LRRC8C: variants seen among roughly 807,000 people sequenced by gnomAD.
The protein encoded by LRRC8C is leucine rich repeat containing 8 VRAC subunit C.
A neutral mutation model predicts 55.3 loss-of-function variants in LRRC8C; 20 were observed. That is an observed-to-expected ratio of 0.36 (90% confidence interval 0.25 to 0.53). LRRC8C has a LOEUF of 0.53. Among genes scored for constraint, LRRC8C ranks in the 20% least tolerant of loss-of-function variants. The pLI, the probability that LRRC8C is intolerant of heterozygous loss-of-function variation, is 0.92. For missense variants in LRRC8C, 659 were observed against 951.4 expected (o/e 0.69, Z 4.04); for synonymous variants, 376 against 360.7 (o/e 1.04, Z -0.48).
chr1:89,654,754 C>T (rs1282179944), intron 1 of LRRC8C, among the ~76,000 whole-genome samples: 3 of 152,140 alleles, frequency 2.0e-5, no homozygotes, highest in Non-Finnish European at 4.4e-5. Context: ...TCTTTGTATG[C>T]ACCCTTTTAC....
chr1:89,633,069 T>C (rs1217132211), upstream of LRRC8C: 1 of 151,834 alleles, frequency 6.6e-6, no homozygotes, highest in Non-Finnish European at 1.5e-5. Flanking sequence ...TGGAGGCGGC[T>C]CCGTCCGCGG....
intron 1 of LRRC8C, among the ~76,000 whole-genome samples, chr1:89,635,022 C>T (rs1656238714): frequency 6.6e-6 from 1 of 152,076 alleles, no homozygotes; most frequent in African/African-American, 2.4e-5. Flanking sequence ...AAAATCAAGC[C>T]TTTATTAATA....
At chr1:89,662,674 T>C (rs1657151445) in intron 1 of LRRC8C, among the ~76,000 whole-genome samples, 1 of 152,156 alleles carries the variant, frequency 6.6e-6, no homozygotes, top group Non-Finnish European at 1.5e-5. Flanking sequence ...TTTTTTGATA[T>C]TCCTCTTAAA....
chr1:89,653,686 C>G (rs2101199885), intron 1 of LRRC8C, among the ~76,000 whole-genome samples: 1 of 152,256 alleles, frequency 6.6e-6, no homozygotes, highest in African/African-American at 2.4e-5. Context: ...ATTGAGCCTG[C>G]AGGTTTTGCT....
At chr1:89,627,479 A>G in the LRRC8C span, among the ~76,000 whole-genome samples, 7 of 152,162 alleles carry the variant, frequency 4.6e-5, no homozygotes, top group Non-Finnish European at 7.4e-5. Context: ...TCAATTAAAG[A>G]GTAAGCTGTA....
At position 89,689,940 on chromosome 1, in the gene LRRC8C, C is replaced by CA. The variant is rs1013964503; in HGVS notation, c.138+3340dup. ...TGGGTGACAAAGCAAGACTCCGTCT[C>CA]AAAAAAAAAAAGAGAGAAATCAAGG... is the stretch of plus-strand genomic sequence containing the variant. On this transcript the variant is annotated intron_variant, in intron 2 of 2. Transcript: ENST00000370454. Among the ~76,000 whole-genome samples the CA allele has an allele frequency of 2.4e-3, 333 of 138,596 alleles. 1 individual carries two copies. The highest frequency in any genetic ancestry group is 3.6e-3 in the Middle Eastern group (1 of 278). 90.9% of individuals were successfully genotyped at this position (138,596 alleles called of 152,430 possible). A position where few individuals can be genotyped will look rare whatever the true frequency, so the allele number is the denominator to read the frequency against.
chr1:89,624,231 G>C, the LRRC8C span, among the ~76,000 whole-genome samples: 2 of 152,188 alleles, frequency 1.3e-5, no homozygotes, highest in African/African-American at 4.8e-5. Flanking sequence ...CAGTAAACAT[G>C]TCTGGCTTTT....
At chr1:89,702,197 G>T (rs1413165019) in intron 2 of LRRC8C, among the ~76,000 whole-genome samples, 1 of 151,888 alleles carries the variant, frequency 6.6e-6, no homozygotes, top group South Asian at 2.1e-4. Context: ...GTGGACTCTG[G>T]GGGGCTGGGG....
At chr1:89,628,868 G>A (rs537853826), upstream of LRRC8C, among the ~76,000 whole-genome samples, 2 of 152,336 alleles carry the variant, frequency 1.3e-5, no homozygotes, top group South Asian at 4.1e-4. Flanking sequence ...ACCCACCTCA[G>A]GGAAGAAGGA....
At chr1:89,652,331 T>C (rs1656812885) in intron 1 of LRRC8C, among the ~76,000 whole-genome samples, 1 of 152,140 alleles carries the variant, frequency 6.6e-6, no homozygotes, top group Non-Finnish European at 1.5e-5. Context: ...TTTCCAGGGG[T>C]ATGAAAAGGT....
chr1:89,677,112 A>C (rs767383810), intron 1 of LRRC8C, among the ~76,000 whole-genome samples: 1 of 152,248 alleles, frequency 6.6e-6, no homozygotes, highest in Non-Finnish European at 1.5e-5. Flanking sequence ...ATATGTGAAG[A>C]GCATAATCAG....
At chr1:89,616,292 CAG>C in the LRRC8C span, among the ~76,000 whole-genome samples, 1 of 152,280 alleles carries the variant, frequency 6.6e-6, no homozygotes, top group African/African-American at 2.4e-5. Context: ...TTCTGGAAGA[CAG>C]GGGACTATCA....
At chr1:89,664,024 C>T (rs1255437230) in intron 1 of LRRC8C, among the ~76,000 whole-genome samples, 1 of 151,984 alleles carries the variant, frequency 6.6e-6, no homozygotes, top group Non-Finnish European at 1.5e-5. Context: ...GGATATTAGC[C>T]CTTTGTCAGA....
Position 89,713,056 on chromosome 1 carries a change from G to T in LRRC8C, c.486G>T (p.Leu162=), listed in dbSNP as rs781562450. The T allele has an allele frequency of 3.1e-6, 5 of 1,613,482 alleles. No individual in the cohort carries two copies. In the South Asian group the frequency reaches 5.5e-5, roughly 18 times the overall value. The change falls in exon 3 of 3, where the codon CTG becomes CTT. Residue 162 remains leucine (L), a synonymous_variant. Coordinates refer to ENST00000370454, the MANE Select transcript of LRRC8C (RefSeq NM_032270.5). The surrounding 1 kb of genome is among the most constrained non-coding windows in gnomAD (Gnocchi z 5.2). ...AAATAGAACATTTCATCTCCATTCT[G>T]GGGAAGTGTTTTGACTCTCCTTGGA... ...SSKIEHFISI[L]GKCFDSPWTT...
In LRRC8C at chr1:89,718,488, C is replaced by T. The variant is rs1312059113; in HGVS notation, c.*3506C>T. On this transcript the variant is annotated 3_prime_UTR_variant, in exon 3 of 3. Transcript: ENST00000370454. ...ACAAAATCTTTATATCTCTTATTAA[C>T]ACTTCCCCCAAGAAGGGTTGTGCTG... The T allele has an allele frequency of 6.6e-6, 1 of 152,100 alleles. No homozygotes were observed. The highest frequency in any genetic ancestry group is 1.5e-5 in the Non-Finnish European group (1 of 67,982). 9.4% of individuals were successfully genotyped at this position (152,100 alleles called of 1,614,324 possible).
chr1:89,685,318 C>CCCT (rs10682040), intron 1 of LRRC8C, among the ~76,000 whole-genome samples: 1 of 138,402 alleles, frequency 7.2e-6, no homozygotes, highest in African/African-American at 2.9e-5. Flanking sequence ...CGGGGTTTCA[C>CCCT]GTTAGCCAGG....
intron 1 of LRRC8C, among the ~76,000 whole-genome samples, chr1:89,651,342 G>A (rs1212385398): frequency 6.6e-6 from 1 of 152,142 alleles, no homozygotes; most frequent in East Asian, 1.9e-4. Context: ...GCCAAGGTGG[G>A]CAGATCACGA....
At position 89,702,560 on chromosome 1, in the gene LRRC8C, C is replaced by T. The variant is rs1337785267; in HGVS notation, c.139-10149C>T. Reference sequence around the variant, plus strand: ...AACCAGCCTGGGCAACATGGCAAGACCCTATCTCTAAAAAAATAAAAATTA... The same window carrying T: ...AACCAGCCTGGGCAACATGGCAAGATCCTATCTCTAAAAAAATAAAAATTA... On this transcript the variant is annotated intron_variant, in intron 2 of 2. Transcript: ENST00000370454. 2.0e-5 allele frequency among the ~76,000 whole-genome samples: 3 copies of T among 151,854 alleles called. No individual in the cohort carries two copies. The East Asian group carries it at 5.8e-4, about 29-fold the overall frequency.
At chr1:89,711,414 C>T (rs1025523141) in intron 2 of LRRC8C, among the ~76,000 whole-genome samples, 6 of 152,330 alleles carry the variant, frequency 3.9e-5, no homozygotes, top group Non-Finnish European at 5.9e-5. Flanking sequence ...AATCACTAAC[C>T]ACTGCTGGTG....
Sources: gnomAD v4.1 joint callset for allele counts (sites outside exome capture counted in the v4.1 genomes callset) on GRCh38, gnomAD v4.1.1 for gene constraint, Gnocchi (gnomAD v3.1) non-coding constraint, MANE v1.5 for transcripts, NCBI Gene and HGNC (gene_info 2026-07-23, HGNC 2026-07-21) for gene names.